Variants in ZBTB7C observed in about 807,000 individuals in gnomAD.
ZBTB7C encodes zinc finger and BTB domain-containing protein 7C.
In ZBTB7C, 8 loss-of-function variants were observed where a neutral mutation model predicts 25.7. The observed-to-expected ratio is 0.31, with a 90% confidence interval of 0.18 to 0.56. The LOEUF (loss-of-function observed/expected upper bound fraction) is 0.56. ZBTB7C is among the 20% of genes least tolerant of loss of function. The pLI is 0.91. For synonymous variants in ZBTB7C, 394 were observed against 369.0 expected, an observed-to-expected ratio of 1.07 and a Z score of -0.78; for missense variants, 824 against 855.2, an observed-to-expected ratio of 0.96 and a Z score of 0.46.
intron 2 of ZBTB7C, among the ~76,000 whole-genome samples, chr18:48,219,539 G>A (rs184451046): frequency 5.9e-5 from 9 of 152,296 alleles, no homozygotes; most frequent in South Asian, 4.1e-4. Context: ...TGTAAATAGC[G>A]GGGAAAGGAT....
chr18:48,304,643 C>G (rs930907133), intron 2 of ZBTB7C, among the ~76,000 whole-genome samples: 47 of 152,134 alleles, frequency 3.1e-4, no homozygotes, highest in Non-Finnish European at 8.8e-5. Context: ...CCACTGCACT[C>G]CAGCCTGGGC....
intron 3 of ZBTB7C, among the ~76,000 whole-genome samples, chr18:48,184,423 A>T (rs2042003570): frequency 6.6e-6 from 1 of 152,172 alleles, no homozygotes; most frequent in African/African-American, 2.4e-5. Flanking sequence ...TAGAGCAAAT[A>T]TTGAATGATT....
chr18:48,187,629 CG>C (rs1555711075), intron 2 of ZBTB7C, among the ~76,000 whole-genome samples: 11 of 151,918 alleles, frequency 7.2e-5, no homozygotes, highest in Non-Finnish European at 1.5e-5. Flanking sequence ...CTGGCTAACA[CG>C]GTGAAACCCC....
intron 2 of ZBTB7C, among the ~76,000 whole-genome samples, chr18:48,325,274 G>A (rs1307731588): frequency 6.6e-6 from 1 of 152,148 alleles, no homozygotes; most frequent in Admixed American, 6.5e-5. Context: ...CCACATAATG[G>A]AAATCTAAGT....
At chr18:48,330,390 C>A (rs1336524178) in intron 2 of ZBTB7C, among the ~76,000 whole-genome samples, 1 of 152,164 alleles carries the variant, frequency 6.6e-6, no homozygotes, top group Admixed American at 6.5e-5. Context: ...TGAATAACTC[C>A]ATGCACACTC....
chr18:48,087,766 G>C (rs1233192184), intron 3 of ZBTB7C: 1 of 139,668 alleles, frequency 7.2e-6, no homozygotes, highest in Admixed American at 8.2e-5. Flanking sequence ...CTGCACTCCA[G>C]GCTCACCTGG....
At chr18:48,149,712 C>A (rs1332602634) in intron 3 of ZBTB7C, 1 of 152,174 alleles carries the variant, frequency 6.6e-6, no homozygotes, top group African/African-American at 2.4e-5. Flanking sequence ...AGAAAAGACC[C>A]ACTGTTTACC....
intron 2 of ZBTB7C, among the ~76,000 whole-genome samples, chr18:48,258,606 A>G (rs994627445): frequency 6.6e-6 from 1 of 152,212 alleles, no homozygotes; most frequent in African/African-American, 2.4e-5. Context: ...TGATATGTCA[A>G]TTATCCCCCA....
intron 3 of ZBTB7C, among the ~76,000 whole-genome samples, chr18:48,112,355 T>G (rs1409021368): frequency 2.8e-5 from 4 of 145,442 alleles, no homozygotes; most frequent in Non-Finnish European, 6.0e-5. Context: ...CTTTTACCAT[T>G]TCTTTTTTTG....
chr18:48,265,433 C>T (rs1387796271), intron 2 of ZBTB7C, among the ~76,000 whole-genome samples: 1 of 152,182 alleles, frequency 6.6e-6, no homozygotes, highest in Non-Finnish European at 1.5e-5. Context: ...CTTGGTTCAT[C>T]TCGGATTTTC....
At chr18:48,038,636 A>G (rs2036079813) in intron 4 of ZBTB7C, among the ~76,000 whole-genome samples, 1 of 151,582 alleles carries the variant, frequency 6.6e-6, no homozygotes, top group Admixed American at 6.6e-5. Context: ...CTTGGGCCAA[A>G]GCTTTGGGCC....
At chr18:48,240,010 C>A (rs754811878) in intron 2 of ZBTB7C, among the ~76,000 whole-genome samples, 6 of 151,882 alleles carry the variant, frequency 4.0e-5, no homozygotes, top group Non-Finnish European at 7.4e-5. Context: ...AAATAGATAG[C>A]ATAAATAAAA....
chr18:48,381,139 A>G (rs2047625676), intron 1 of ZBTB7C, among the ~76,000 whole-genome samples: 2 of 152,250 alleles, frequency 1.3e-5, no homozygotes, highest in African/African-American at 4.8e-5. Context: ...TGTATGTTCC[A>G]TGTACTTCTT....
intron 2 of ZBTB7C, among the ~76,000 whole-genome samples, chr18:48,205,145 G>C (rs1220860677): frequency 6.6e-6 from 1 of 152,062 alleles, no homozygotes; most frequent in African/African-American, 2.4e-5. Flanking sequence ...CTGAGGTCTA[G>C]CACTCTGCAG....
chr18:48,395,264 AATGTGTGTGTGTG>A (rs2047995726), intron 1 of ZBTB7C, among the ~76,000 whole-genome samples: 3 of 97,596 alleles, frequency 3.1e-5, no homozygotes, highest in Admixed American at 2.2e-4. Flanking sequence ...AGAGAGAGAG[AATGTGTGTGTGTG>A]TGTGTGTGTG....
chr18:48,291,457 G>T (rs901982146), intron 2 of ZBTB7C, among the ~76,000 whole-genome samples: 1 of 152,158 alleles, frequency 6.6e-6, no homozygotes, highest in Non-Finnish European at 1.5e-5. Context: ...AAGGTGGTAA[G>T]GTGGCAACAG....
intron 2 of ZBTB7C, among the ~76,000 whole-genome samples, chr18:48,281,550 C>T (rs990333622): frequency 2.6e-5 from 4 of 152,126 alleles, no homozygotes; most frequent in African/African-American, 9.7e-5. Context: ...AAAATTTTTG[C>T]AACCTACTCA....
chr18:48,083,418 C>G (rs985545622), intron 3 of ZBTB7C, among the ~76,000 whole-genome samples: 1 of 152,132 alleles, frequency 6.6e-6, no homozygotes, highest in African/African-American at 2.4e-5. Flanking sequence ...TCTTTAGCCC[C>G]TCGTCCCCTG....
intron 3 of ZBTB7C, among the ~76,000 whole-genome samples, chr18:48,127,605 C>T (rs2039846294): frequency 6.6e-6 from 1 of 152,224 alleles, no homozygotes. Context: ...TGTGGGCCAG[C>T]ATTTCTCCTC....
Sources: allele counts gnomAD v4.1 joint callset (sites outside exome capture counted in the v4.1 genomes callset), GRCh38; gene constraint gnomAD v4.1.1; transcripts MANE v1.5; gene names NCBI Gene and HGNC (gene_info 2026-07-23, HGNC 2026-07-21).